NBPF12: variants seen among roughly 807,000 people sequenced by gnomAD.
NBPF12 encodes the protein NBPF family member NBPF12.
In NBPF12, 115 loss-of-function variants were observed where a neutral mutation model predicts 146.4. That is an observed-to-expected ratio of 0.79 (90% CI 0.68 to 0.92). The LOEUF is 0.92. Ranked by LOEUF, NBPF12 falls within the 40% of genes least tolerant of loss-of-function variation. The pLI is 0.00. For missense variants in NBPF12, 1,205 were observed against 1,326.8 expected (o/e 0.91, Z 1.43); for synonymous variants, 385 against 508.9 (o/e 0.76, Z 3.28).
Position 146,977,507 on chromosome 1 carries a change from CACTG to C in NBPF12, c.2235_2238del (p.Leu746ArgfsTer113), listed in dbSNP as rs1657125505. 6.2e-7 allele frequency: 1 copy of C among 1,612,148 alleles called. No homozygotes were observed. Among genetic ancestry groups the C allele is most frequent in the Non-Finnish European group, 8.5e-7 (1 of 1,179,670 alleles). On this transcript the variant is annotated frameshift_variant, in exon 18 of 34. Coordinates refer to ENST00000617844, the Ensembl canonical transcript of NBPF12. LOFTEE classifies it high-confidence loss of function. ...GAAGAAAAGGAAGTCCCTGAGGACT[CACTG>C]GAGGAGTGTGCCATCACTTGTTCAA...
rs1198015281 is a variant in NBPF12 at position 146,969,668 on chromosome 1, C to T, written c.1306+72C>T. On this transcript the variant is annotated intron_variant, in intron 11 of 33. Coordinates refer to ENST00000617844, the Ensembl canonical transcript of NBPF12. ...GAGGCTCCAGACCTCCATACTTTCA[C>T]AATGACAGTTGTATCAGTGGGGTTT... 1,736 of 1,523,978 alleles carry T rather than the reference C, an allele frequency of 1.1e-3. 36 individuals carry two copies. In the South Asian group the frequency reaches 0.017, roughly 15 times the overall value. 94.4% of individuals were successfully genotyped at this position (1,523,978 alleles called of 1,614,324 possible).
At chr1:146,963,116 C>G in exon 6 of NBPF12, 3 of 1,608,810 alleles carry the variant, frequency 1.9e-6, no homozygotes, top group East Asian at 2.2e-5. Flanking sequence ...TCCTGGTTCA[C>G]TCTCAGGAAC....
chr1:146,976,603 G>A (rs1657045925), intron 16 of NBPF12, among the ~76,000 whole-genome samples: 1 of 149,800 alleles, frequency 6.7e-6, no homozygotes, highest in African/African-American at 2.5e-5. Flanking sequence ...AGGACACCAA[G>A]CCTGTTCCTG....
In NBPF12 at chr1:146,971,123, T is replaced by C. The variant is rs1292658603; in HGVS notation, c.1380-60T>C. 715 of 1,607,112 alleles carry C rather than the reference T, an allele frequency of 4.4e-4. 15 individuals are homozygous for C. The South Asian group carries it at 6.5e-3, about 15-fold the overall frequency. On this transcript the variant is annotated intron_variant, in intron 12 of 33. Coordinates refer to ENST00000617844, the Ensembl canonical transcript of NBPF12. The stretch of plus-strand genomic sequence containing the variant: ...GCTTGTCAAAACCAGCTAGGACTCC[T>C]TGGGGTCCAATCCCTCTGTGTTTAA...
intron 4 of NBPF12, among the ~76,000 whole-genome samples, 186 bp downstream of exon 7, chr1:146,960,504 C>T (rs1655780802): frequency 2.6e-5 from 4 of 151,980 alleles, no homozygotes; most frequent in South Asian, 4.2e-4. Context: ...AGCAACTTTC[C>T]ATGTTTGCAG....
intron 7 of NBPF12, among the ~76,000 whole-genome samples, 191 bp downstream of exon 10, chr1:146,964,620 TG>T (rs1656074429): frequency 1.3e-5 from 2 of 151,974 alleles, no homozygotes. Flanking sequence ...GTGTCATGTC[TG>T]TACCATACAG....
chr1:146,965,033 T>G, exon 8 of NBPF12: 1 of 1,608,558 alleles, frequency 6.2e-7, no homozygotes. Context: ...GAAGACAAAG[T>G]CAACTCAACT....
intron 5 of NBPF12, among the ~76,000 whole-genome samples, chr1:146,962,651 GC>G (rs1209184327): frequency 2.0e-5 from 3 of 150,626 alleles, no homozygotes; most frequent in African/African-American, 7.4e-5. Context: ...AATCAATGTT[GC>G]CTTCTTGACC....
At chr1:146,955,541 TTA>T (rs1359382162) in intron 2 of NBPF12, among the ~76,000 whole-genome samples, 1 of 97,596 alleles carries the variant, frequency 1.0e-5, no homozygotes, top group Non-Finnish European at 2.0e-5. Flanking sequence ...GGCCTGGAAA[TTA>T]TCACCAGACC....
chr1:146,971,399 C>T lies in NBPF12; in HGVS notation c.1591+5C>T, dbSNP rs1169307892. Reference sequence around the variant, plus strand: ...ATGCTCTAAACATTCTCCCAGGTAGCCTCTATTTTCCTTGTGTCTCATACC... The same window carrying T: ...ATGCTCTAAACATTCTCCCAGGTAGTCTCTATTTTCCTTGTGTCTCATACC... On this transcript the variant is annotated splice_donor_5th_base_variant and intron_variant, in intron 13 of 33. Transcript: ENST00000617844. 6.8e-6 allele frequency: 11 copies of T among 1,607,290 alleles called. No individual in the cohort carries two copies. Among genetic ancestry groups the T allele is most frequent in the South Asian group, 1.1e-5 (1 of 90,890 alleles).
chr1:146,962,175 A>G (rs1389415789), exon 5 of NBPF12: 32 of 1,608,798 alleles, frequency 2.0e-5, no homozygotes, highest in Non-Finnish European at 2.5e-5. Context: ...TGAAGAGTGT[A>G]AAGACCTCAT....
chr1:146,941,699 A>T (rs1654810599), intron 1 of NBPF12, among the ~76,000 whole-genome samples: 1 of 143,420 alleles, frequency 7.0e-6, no homozygotes, highest in African/African-American at 2.6e-5. Context: ...GGTTGCATTG[A>T]GCCGAGATTA....
At chr1:146,971,141 G>C (rs1656585852) in intron 12 of NBPF12, 42 bp from the exon 16 acceptor site, 2 of 1,609,848 alleles carry the variant, frequency 1.2e-6, no homozygotes, top group East Asian at 4.5e-5. Context: ...CAATCCCTCT[G>C]TGTTTAATCT....
chr1:146,972,021 G>C (rs1339708324), intron 13 of NBPF12, among the ~76,000 whole-genome samples: 1 of 147,472 alleles, frequency 6.8e-6, no homozygotes, highest in African/African-American at 2.6e-5. Context: ...CCAGGAACCG[G>C]ATCTTGCAGT....
intron 1 of NBPF12, among the ~76,000 whole-genome samples, chr1:146,950,288 A>C (rs1655272735): frequency 6.6e-6 from 1 of 151,768 alleles, no homozygotes; most frequent in African/African-American, 2.4e-5. Flanking sequence ...GAGGCTTCCG[A>C]GAGTGTCCAT....
chr1:146,962,351 C>G, intron 5 of NBPF12, 88 bp downstream of exon 8: 1 of 1,110,072 alleles, frequency 9.0e-7, no homozygotes, highest in South Asian at 1.2e-5. Context: ...AAGAACGAAG[C>G]TGGGCCAGGG....
exon 6 of NBPF12, chr1:146,963,228 A>G: frequency 6.2e-7 from 1 of 1,611,616 alleles, no homozygotes; most frequent in Non-Finnish European, 8.5e-7. Context: ...TGAGCCGGAC[A>G]AGTCCCAGGG....
At chr1:146,954,747 A>G (rs1202454858) in intron 2 of NBPF12, among the ~76,000 whole-genome samples, 1 of 150,792 alleles carries the variant, frequency 6.6e-6, no homozygotes, top group Non-Finnish European at 1.5e-5. Context: ...ACATACAGCT[A>G]TGAAAATCAA....
chr1:146,981,439 G>C (rs1409535399), intron 19 of NBPF12, among the ~76,000 whole-genome samples: 112 of 151,356 alleles, frequency 7.4e-4, no homozygotes, highest in African/African-American at 2.7e-3. Context: ...AGTCTGATGG[G>C]CTTCCCTTTG....
Sources: allele counts gnomAD v4.1 joint callset (sites outside exome capture counted in the v4.1 genomes callset), GRCh38; gene constraint gnomAD v4.1.1; transcripts MANE v1.5; gene names NCBI Gene and HGNC (gene_info 2026-07-23, HGNC 2026-07-21).